CCDC171: variants seen among roughly 807,000 people sequenced by gnomAD.
The protein encoded by CCDC171 is coiled-coil domain-containing protein 171.
A neutral mutation model predicts 168.2 loss-of-function variants in CCDC171; 177 were observed. The ratio of observed to expected loss-of-function variants is 1.05; its 90% CI spans 0.93 to 1.19. The LOEUF is 1.19. Ranked by LOEUF, CCDC171 falls within the 50% of genes most tolerant of loss-of-function variation. CCDC171 has a pLI of 0.00. For missense variants in CCDC171, 1,991 were observed against 1,539.0 expected (o/e 1.29, Z -4.91); for synonymous variants, 687 against 540.8 (o/e 1.27, Z -3.75).
At chr9:15,599,320 A>G (rs983338815) in intron 6 of CCDC171, among the ~76,000 whole-genome samples, 3 of 152,104 alleles carry the variant, frequency 2.0e-5, no homozygotes, top group Non-Finnish European at 4.4e-5. Context: ...TGCTTCCTTC[A>G]GGAGCTCTTT....
chr9:15,560,379 T>G (rs2039189866), intron 1 of CCDC171, among the ~76,000 whole-genome samples: 1 of 152,184 alleles, frequency 6.6e-6, no homozygotes. Flanking sequence ...AGACGTAGTT[T>G]TGGTCTTTTC....
At chr9:15,778,917 G>A in intron 19 of CCDC171, 51 bp from the exon 20 acceptor site, 2 of 1,249,804 alleles carry the variant, frequency 1.6e-6, no homozygotes, top group South Asian at 4.6e-5. Context: ...TATTGCTATT[G>A]TTAGTAAATC....
intron 6 of CCDC171, among the ~76,000 whole-genome samples, chr9:15,595,010 C>G (rs2042239260): frequency 6.6e-6 from 1 of 152,058 alleles, no homozygotes; most frequent in Non-Finnish European, 1.5e-5. Flanking sequence ...AATAACCTTT[C>G]TATAGATGTC....
chr9:15,851,126 C>T (rs1045844123), intron 23 of CCDC171, among the ~76,000 whole-genome samples: 4 of 151,898 alleles, frequency 2.6e-5, no homozygotes, highest in Non-Finnish European at 5.9e-5. Flanking sequence ...TTAACCTGAA[C>T]ATATTTGTTC....
chr9:15,782,014 C>T (rs917172885), intron 20 of CCDC171, among the ~76,000 whole-genome samples: 1 of 152,058 alleles, frequency 6.6e-6, no homozygotes, highest in African/African-American at 2.4e-5. Flanking sequence ...CACTTCATTA[C>T]AGTGGTTAGT....
chr9:16,007,510 G>A (rs992995668), intron 3 of CCDC171, among the ~76,000 whole-genome samples: 1 of 152,154 alleles, frequency 6.6e-6, no homozygotes, highest in Non-Finnish European at 1.5e-5. Context: ...CCTTGCCCAT[G>A]CCTATGTCCT....
chr9:15,556,506 T>C (rs990037369), intron 1 of CCDC171, among the ~76,000 whole-genome samples: 5 of 152,192 alleles, frequency 3.3e-5, no homozygotes, highest in African/African-American at 1.2e-4. Context: ...ATGAGTATTT[T>C]TTCATGTGTC....
intron 25 of CCDC171, among the ~76,000 whole-genome samples, chr9:15,929,372 A>C (rs1826242548): frequency 6.6e-6 from 1 of 151,690 alleles, no homozygotes; most frequent in African/African-American, 2.4e-5. Flanking sequence ...ATTACCTATT[A>C]AACATCTGCA....
chr9:15,580,050 C>T (rs1328417755), intron 4 of CCDC171, among the ~76,000 whole-genome samples: 1 of 151,972 alleles, frequency 6.6e-6, no homozygotes, highest in African/African-American at 2.4e-5. Flanking sequence ...GAACAGAGTA[C>T]CCAGAAATAA....
At chr9:16,039,768 T>G (rs1833542860), upstream of CCDC171, among the ~76,000 whole-genome samples, 1 of 152,092 alleles carries the variant, frequency 6.6e-6, no homozygotes, top group African/African-American at 2.4e-5. Flanking sequence ...AAATCATCAC[T>G]CAGTCACATG....
chr9:16,004,009 G>A (rs1195774162), intron 3 of CCDC171, among the ~76,000 whole-genome samples: 1 of 152,166 alleles, frequency 6.6e-6, no homozygotes, highest in East Asian at 1.9e-4. Context: ...CTCACTGCAG[G>A]GGATCGGCAT....
intron 11 of CCDC171, among the ~76,000 whole-genome samples, chr9:15,705,862 T>C (rs1470824590): frequency 6.6e-6 from 1 of 152,206 alleles, no homozygotes; most frequent in East Asian, 1.9e-4. Context: ...CGAATATGAA[T>C]AAAAATATGA....
At chr9:15,705,545 C>G (rs774827486) in intron 11 of CCDC171, among the ~76,000 whole-genome samples, 9 of 152,236 alleles carry the variant, frequency 5.9e-5, no homozygotes, top group South Asian at 2.1e-4. Flanking sequence ...AGCTTTTTAC[C>G]TAGTGTATCT....
chr9:16,077,800 C>T, the CCDC171 span, among the ~76,000 whole-genome samples: 2 of 152,184 alleles, frequency 1.3e-5, no homozygotes, highest in East Asian at 3.9e-4. Context: ...ACAGGGTTGC[C>T]CTTGGACAAA....
chr9:15,920,246 G>T (rs1339783037), intron 24 of CCDC171, 24 bp from the exon 25 acceptor site: 2 of 1,490,010 alleles, frequency 1.3e-6, no homozygotes, highest in African/African-American at 1.4e-5. Flanking sequence ...TGAATTATAT[G>T]TGACATTATT....
chr9:15,948,992 T>C (rs1350505753), intron 25 of CCDC171, among the ~76,000 whole-genome samples: 1 of 152,214 alleles, frequency 6.6e-6, no homozygotes, highest in Non-Finnish European at 1.5e-5. Flanking sequence ...CTCGAATTGA[T>C]TTTAGTGTAA....
At chr9:15,872,690 T>C (rs1335182524) in intron 23 of CCDC171, among the ~76,000 whole-genome samples, 1 of 152,026 alleles carries the variant, frequency 6.6e-6, no homozygotes, top group Non-Finnish European at 1.5e-5. Flanking sequence ...TTTTTAAACA[T>C]CAAACAATGA....
In CCDC171 at chr9:15,744,404, G is replaced by C. The variant is rs775919038; in HGVS notation, c.2181G>C (p.Leu727Phe). The change falls in exon 17 of 26, where the codon TTG (leucine) becomes TTC (phenylalanine). Residue 727 changes from leucine (L) to phenylalanine (F), a missense_variant. Leu to Phe is a conservative substitution (Grantham distance 22, BLOSUM62 0). Coordinates refer to ENST00000380701, the MANE Select transcript of CCDC171 (RefSeq NM_173550.4). The stretch of plus-strand genomic sequence containing the variant: ...AGACTCAAAGGGAACAGATGTCCTT[G>C]CTGGCAGCCTGTGCATTAATGGCTG... ...LSQTQREQMS[L>F]LAACALMAGA... is the part of the protein sequence containing the mutation. 1 of 1,614,196 alleles carries C rather than the reference G, an allele frequency of 6.2e-7. No individual in the cohort carries two copies. The highest frequency in any genetic ancestry group is 8.5e-7 in the Non-Finnish European group (1 of 1,180,028).
intron 16 of CCDC171, among the ~76,000 whole-genome samples, chr9:15,738,308 C>T (rs972204733): frequency 2.6e-5 from 4 of 152,166 alleles, no homozygotes; most frequent in African/African-American, 9.6e-5. Context: ...AGGAAAAAAG[C>T]TGTCCTTTTT....
Sources: gnomAD v4.1 joint callset for allele counts (sites outside exome capture counted in the v4.1 genomes callset) on GRCh38, gnomAD v4.1.1 for gene constraint, MANE v1.5 for transcripts, NCBI Gene and HGNC (gene_info 2026-07-23, HGNC 2026-07-21) for gene names.